The following LIN7A variants were observed in gnomAD, a reference collection of about 807,000 sequenced individuals.
LIN7A encodes the protein protein lin-7 homolog A.
In LIN7A, 25 loss-of-function variants were observed where a neutral mutation model predicts 29.8. The observed-to-expected ratio is 0.84, with a 90% confidence interval of 0.61 to 1.17. The LOEUF is 1.17. LIN7A is among the 50% of genes most tolerant of loss of function. The pLI, the probability that LIN7A is intolerant of heterozygous loss-of-function variation, is 0.00. For missense variants in LIN7A, 239 were observed against 287.0 expected (o/e 0.83, Z 1.21); for synonymous variants, 118 against 107.5 (o/e 1.10, Z -0.60).
intron 4 of LIN7A, among the ~76,000 whole-genome samples, chr12:80,815,324 T>A (rs1319026407): frequency 6.6e-6 from 1 of 152,194 alleles, no homozygotes; most frequent in Admixed American, 6.5e-5. Flanking sequence ...AGAAGTCTTG[T>A]TGCATGAATA....
intron 2 of LIN7A, among the ~76,000 whole-genome samples, chr12:80,876,464 A>G (rs1874707896): frequency 6.6e-6 from 1 of 152,234 alleles, no homozygotes; most frequent in Non-Finnish European, 1.5e-5. Flanking sequence ...TTCATGAAAG[A>G]TACCTTGAAG....
chr12:80,864,328 A>G (rs1874029418), intron 2 of LIN7A, among the ~76,000 whole-genome samples: 2 of 151,650 alleles, frequency 1.3e-5, no homozygotes, highest in Admixed American at 1.3e-4. Flanking sequence ...TCAAGATGAG[A>G]AAAAAAAAGA....
intron 5 of LIN7A, among the ~76,000 whole-genome samples, chr12:80,799,196 A>T (rs1870601413): frequency 3.9e-5 from 6 of 152,214 alleles, no homozygotes; most frequent in Admixed American, 3.9e-4. Flanking sequence ...GGCCACTGAC[A>T]TACCTGTTGG....
chr12:80,876,828 T>C (rs1005646850), intron 2 of LIN7A, among the ~76,000 whole-genome samples: 5 of 152,104 alleles, frequency 3.3e-5, no homozygotes, highest in African/African-American at 1.2e-4. Context: ...TCTCTTAAAG[T>C]TGAATATTCT....
rs185441480 is a variant in LIN7A, at chr12:80,910,162, T to G, written c.83-20793A>C. Among the ~76,000 whole-genome samples the G allele has an allele frequency of 3.3e-4, 50 of 152,296 alleles. 1 individual carries two copies. In the East Asian group the frequency reaches 8.7e-3, roughly 26 times the overall value. ...TTGATGATATTGTAAATATTACCTTTTAAATTTAGTTTCTAATTGTTTATT... is the reference window on the plus strand; with the variant it reads ...TTGATGATATTGTAAATATTACCTTGTAAATTTAGTTTCTAATTGTTTATT... On this transcript the variant is annotated intron_variant, in intron 1 of 5. Coordinates refer to ENST00000552864, the MANE Select transcript of LIN7A (RefSeq NM_004664.4).
intron 1 of LIN7A, among the ~76,000 whole-genome samples, chr12:80,930,071 C>T (rs1396556666): frequency 1.3e-5 from 2 of 152,016 alleles, no homozygotes; most frequent in East Asian, 3.9e-4. Flanking sequence ...AATTTAAAAA[C>T]AAAAGATGTT....
At chr12:80,908,596 A>T (rs1013730486) in intron 1 of LIN7A, among the ~76,000 whole-genome samples, 2 of 152,086 alleles carry the variant, frequency 1.3e-5, no homozygotes, top group African/African-American at 4.8e-5. Flanking sequence ...CCATTTCTAT[A>T]CTTTTCTGCA....
At chr12:80,809,760 T>C (rs1871200932) in intron 5 of LIN7A, among the ~76,000 whole-genome samples, 1 of 152,238 alleles carries the variant, frequency 6.6e-6, no homozygotes, top group East Asian at 1.9e-4. Context: ...ATTCTCTTGA[T>C]AATATACAGC....
At chr12:80,919,901 T>G (rs1877215654) in intron 1 of LIN7A, among the ~76,000 whole-genome samples, 1 of 151,026 alleles carries the variant, frequency 6.6e-6, no homozygotes, top group Non-Finnish European at 1.5e-5. Context: ...ACCACCAAGC[T>G]CATTCACTAT....
chr12:80,932,422 G>A (rs1877964858), intron 1 of LIN7A, among the ~76,000 whole-genome samples: 1 of 152,160 alleles, frequency 6.6e-6, no homozygotes, highest in Non-Finnish European at 1.5e-5. Flanking sequence ...TAGAAGCCAA[G>A]AAATAAAGAT....
intron 4 of LIN7A, chr12:80,832,557 G>T: frequency 2.1e-6 from 1 of 478,064 alleles, no homozygotes. Flanking sequence ...GAATCAGAAG[G>T]AGCCTGGACT....
At chr12:80,934,118 A>G (rs759074634) in intron 1 of LIN7A, among the ~76,000 whole-genome samples, 19 of 152,178 alleles carry the variant, frequency 1.2e-4, no homozygotes, top group Non-Finnish European at 2.4e-4. Flanking sequence ...TTCCTCCAGC[A>G]TCTTGCATAT....
At chr12:80,902,275 A>G (rs575880726) in intron 1 of LIN7A, among the ~76,000 whole-genome samples, 2 of 125,694 alleles carry the variant, frequency 1.6e-5, no homozygotes, top group East Asian at 4.8e-4. Context: ...GCTTTATGGT[A>G]TAGTTCAAAG....
At chr12:80,887,678 A>T in intron 2 of LIN7A, among the ~76,000 whole-genome samples, 1 of 152,066 alleles carries the variant, frequency 6.6e-6, no homozygotes, top group East Asian at 1.9e-4. Context: ...ATTTCTCTCC[A>T]GTCTTGTCAC....
chr12:80,935,689 C>T (rs532983147), intron 1 of LIN7A: 25 of 417,104 alleles, frequency 6.0e-5, no homozygotes, highest in African/African-American at 4.5e-4. Context: ...GCCAATAACC[C>T]ATCATCTCTT....
At chr12:80,916,377 CT>C (rs1877031134) in intron 1 of LIN7A, among the ~76,000 whole-genome samples, 1 of 152,144 alleles carries the variant, frequency 6.6e-6, no homozygotes, top group Non-Finnish European at 1.5e-5. Context: ...CTCTGTTTGA[CT>C]TCATTTCTTA....
chr12:80,868,583 A>T (rs983033964), intron 2 of LIN7A, among the ~76,000 whole-genome samples: 19 of 152,138 alleles, frequency 1.2e-4, no homozygotes, highest in Admixed American at 2.6e-4. Flanking sequence ...AATCAATCAA[A>T]CAAACAAACA....
intron 4 of LIN7A, among the ~76,000 whole-genome samples, chr12:80,823,439 C>G (rs1871910739): frequency 6.6e-6 from 1 of 152,222 alleles, no homozygotes; most frequent in Non-Finnish European, 1.5e-5. Flanking sequence ...CTGGTCCAGC[C>G]ACAGCCTTCT....
chr12:80,897,794 G>A (rs1444552799), intron 1 of LIN7A, among the ~76,000 whole-genome samples: 1 of 151,876 alleles, frequency 6.6e-6, no homozygotes, highest in East Asian at 1.9e-4. Context: ...GACAGAGTAA[G>A]ACTGTCTCAA....
Sources: allele counts gnomAD v4.1 joint callset (sites outside exome capture counted in the v4.1 genomes callset), GRCh38; gene constraint gnomAD v4.1.1; transcripts MANE v1.5; gene names NCBI Gene and HGNC (gene_info 2026-07-23, HGNC 2026-07-21).